Variants in DIAPH2 observed in about 807,000 individuals in gnomAD.
DIAPH2 encodes protein diaphanous homolog 2.
DIAPH2 carries 35 observed loss-of-function variants against 92.7 expected under a neutral mutation model. That is an observed-to-expected ratio of 0.38 (90% CI 0.29 to 0.50). The LOEUF (loss-of-function observed/expected upper bound fraction) is 0.50, where lower values mean the gene tolerates loss of function less well. Ranked by LOEUF, DIAPH2 falls within the 20% of genes least tolerant of loss-of-function variation. DIAPH2 has a pLI of 0.94. For missense variants in DIAPH2, 701 were observed against 819.5 expected (o/e 0.86, Z 1.77); for synonymous variants, 301 against 280.4 (o/e 1.07, Z -0.73).
At chrX:96,792,367 C>T (rs1466554801) in intron 4 of DIAPH2, among the ~76,000 whole-genome samples, 1 of 111,420 alleles carries the variant, frequency 9.0e-6, no homozygotes, top group Admixed American at 9.6e-5. Flanking sequence ...TTTTAGTGTC[C>T]TAGTGCTACC....
At chrX:97,570,626 G>C (rs2071364190) in intron 26 of DIAPH2, among the ~76,000 whole-genome samples, 1 of 110,762 alleles carries the variant, frequency 9.0e-6, no homozygotes. Flanking sequence ...GTGCTTTAAA[G>C]CCAGGGAATC....
intron 23 of DIAPH2, among the ~76,000 whole-genome samples, chrX:97,309,344 G>T (rs1159305247): frequency 9.1e-6 from 1 of 110,102 alleles, no homozygotes; most frequent in Non-Finnish European, 1.9e-5. Flanking sequence ...CAGGTGATCC[G>T]CCCACCTCAG....
At chrX:96,827,734 G>T (rs1450571141) in intron 4 of DIAPH2, among the ~76,000 whole-genome samples, 1 of 111,986 alleles carries the variant, frequency 8.9e-6, no homozygotes, top group East Asian at 2.8e-4. Flanking sequence ...CAGTCCATTT[G>T]CCGTCAGAGT....
chrX:96,795,499 A>T (rs112326296), intron 4 of DIAPH2, among the ~76,000 whole-genome samples: 1 of 111,672 alleles, frequency 9.0e-6, no homozygotes, highest in Non-Finnish European at 1.9e-5. Flanking sequence ...CTATTTTTTT[A>T]AAAACTATTT....
intron 26 of DIAPH2, among the ~76,000 whole-genome samples, chrX:97,514,465 G>A (rs773862481): frequency 7.1e-5 from 8 of 112,979 alleles, no homozygotes; most frequent in African/African-American, 1.9e-4. Flanking sequence ...ATATCCTCCC[G>A]TAGCTCAGAG....
chrX:97,353,052 A>G (rs2069233404), intron 24 of DIAPH2, among the ~76,000 whole-genome samples: 1 of 109,415 alleles, frequency 9.1e-6, no homozygotes, highest in African/African-American at 3.3e-5. Flanking sequence ...GGTATGATGT[A>G]TGTTATTCGG....
chrX:96,724,064 C>T (rs1264706466), intron 1 of DIAPH2, among the ~76,000 whole-genome samples: 1 of 108,096 alleles, frequency 9.3e-6, no homozygotes, highest in African/African-American at 3.4e-5. Flanking sequence ...GCTTGGATTA[C>T]AGGCGCCCAC....
At chrX:97,369,435 A>ACTTGCTAGGTATAAG (rs199848170) in intron 24 of DIAPH2, among the ~76,000 whole-genome samples, 1 of 107,762 alleles carries the variant, frequency 9.3e-6, no homozygotes, top group African/African-American at 3.3e-5. Flanking sequence ...CTATAACTTC[A>ACTTGCTAGGTATAAG]TTGCCCTTAC....
chrX:97,230,152 TCAAA>T (rs910765587), intron 22 of DIAPH2, among the ~76,000 whole-genome samples: 9 of 110,956 alleles, frequency 8.1e-5, no homozygotes, highest in Admixed American at 7.8e-4. Context: ...GGTATTGGCC[TCAAA>T]CAATTTTTCC....
intron 23 of DIAPH2, among the ~76,000 whole-genome samples, chrX:97,312,975 G>A (rs1465710932): frequency 2.7e-5 from 3 of 109,859 alleles, no homozygotes; most frequent in East Asian, 5.8e-4. Context: ...TCAGGAGATC[G>A]AGACCATCCT....
rs199552466 is a variant in DIAPH2 at position 96,749,144 on chromosome X, AAATAT to A, written c.343-9008_343-9004del. Among the ~76,000 whole-genome samples, 149 of 72,720 alleles carry A rather than the reference AAATAT, an allele frequency of 2.0e-3. 2 individuals carry two copies. In the East Asian group the frequency reaches 0.066, roughly 32 times the overall value. 63.1% of individuals were successfully genotyped at this position (72,720 alleles called of 115,157 possible). ...ACCCCATCAGAAAAAAAAAAAAAAA[AAATAT>A]ATATATATATATATATATGTTTGAG... is the stretch of plus-strand genomic sequence containing the variant. On this transcript the variant is annotated intron_variant, in intron 3 of 26. Transcript: ENST00000324765.
At chrX:96,693,694 T>C (rs187887377) in intron 1 of DIAPH2, among the ~76,000 whole-genome samples, 1 of 112,272 alleles carries the variant, frequency 8.9e-6, no homozygotes, top group African/African-American at 3.2e-5. Flanking sequence ...ATGGGCTAGC[T>C]AATACATTTA....
At chrX:96,952,933 G>A (rs748037362) in intron 15 of DIAPH2, among the ~76,000 whole-genome samples, 9 of 107,236 alleles carry the variant, frequency 8.4e-5, no homozygotes, top group Non-Finnish European at 1.7e-4. Flanking sequence ...GACTGTTCTG[G>A]GCCACATAGT....
intron 5 of DIAPH2, 97 bp from the exon 6 acceptor site, chrX:96,912,229 CAG>C (rs1381995541): frequency 1.5e-6 from 1 of 672,613 alleles, no homozygotes; most frequent in East Asian, 3.6e-5. Flanking sequence ...AATATTGAGA[CAG>C]AATTATCAGA....
intron 20 of DIAPH2, among the ~76,000 whole-genome samples, chrX:97,104,287 A>C (rs984381363): frequency 8.9e-6 from 1 of 111,930 alleles, no homozygotes; most frequent in Admixed American, 9.5e-5. Flanking sequence ...TTCTGTATCT[A>C]TATGGCATTT....
intron 25 of DIAPH2, among the ~76,000 whole-genome samples, chrX:97,390,604 C>A (rs2069649725): frequency 9.0e-6 from 1 of 110,977 alleles, no homozygotes; most frequent in African/African-American, 3.3e-5. Flanking sequence ...GCAATCTCAG[C>A]TCACTACAAC....
At chrX:97,563,644 G>T (rs949946713) in intron 26 of DIAPH2, among the ~76,000 whole-genome samples, 1 of 111,834 alleles carries the variant, frequency 8.9e-6, no homozygotes, top group Non-Finnish European at 1.9e-5. Context: ...GGGATCTACT[G>T]CATGAAGCTC....
chrX:97,170,678 G>C (rs976858800), intron 22 of DIAPH2, among the ~76,000 whole-genome samples: 1 of 111,284 alleles, frequency 9.0e-6, no homozygotes, highest in Non-Finnish European at 1.9e-5. Context: ...AAAAGTAATA[G>C]TGTTCATTGT....
chrX:96,908,024 T>G (rs2065444448), intron 5 of DIAPH2, among the ~76,000 whole-genome samples: 1 of 112,019 alleles, frequency 8.9e-6, no homozygotes, highest in African/African-American at 3.2e-5. Flanking sequence ...ATTTGAAAAC[T>G]GTACAATTCT....
Sources: gnomAD v4.1 joint callset for allele counts (sites outside exome capture counted in the v4.1 genomes callset) on GRCh38, gnomAD v4.1.1 for gene constraint, MANE v1.5 for transcripts, NCBI Gene and HGNC (gene_info 2026-07-23, HGNC 2026-07-21) for gene names.